Variants in LGALS9B observed in about 807,000 individuals in gnomAD.
LGALS9B encodes the protein galectin 9B.
A neutral mutation model predicts 35.9 loss-of-function variants in LGALS9B; 8 were observed. The observed-to-expected ratio is 0.22, with a 90% CI of 0.13 to 0.40. The LOEUF is 0.40. LGALS9B is among the 10% of genes least tolerant of loss of function. The pLI is 1.00. For missense variants in LGALS9B, 101 were observed against 397.9 expected (o/e 0.25, Z 6.35); for synonymous variants, 42 against 148.6 (o/e 0.28, Z 5.22).
At chr17:20,450,648 CTA>C in intron 10 of LGALS9B, among the ~76,000 whole-genome samples, 1 of 137,034 alleles carries the variant, frequency 7.3e-6, no homozygotes, top group Middle Eastern at 3.5e-3. Context: ...CACAGAGTAG[CTA>C]AGTCACTTGC....
chr17:20,458,263 C>A lies in LGALS9B; in HGVS notation c.253G>T (p.Glu85Ter), dbSNP rs751381320. Reference sequence around the variant, plus strand: ...AAGGGCATGTGCATCTTCCTCTCCTCGGGCCCCCATCTTCCTTTCTGCCTC... The same window carrying A: ...AAGGGCATGTGCATCTTCCTCTCCTAGGGCCCCCATCTTCCTTTCTGCCTC... ...NTRQKGRWGP[E>*]ERKMHMPFQK... The change falls in exon 3 of 11, where the codon GAG (glutamate) becomes TAG (stop). Residue 85 changes from glutamate to a stop codon, truncating the protein, a stop_gained. Transcript: ENST00000423676. LOFTEE classifies it high-confidence loss of function. The A allele has an allele frequency of 6.2e-7, 1 of 1,613,972 alleles. No individual in the cohort carries two copies. The highest frequency in any genetic ancestry group is 8.5e-7 in the Non-Finnish European group (1 of 1,179,936).
chr17:20,466,096 C>G (rs1341658300), intron 1 of LGALS9B, among the ~76,000 whole-genome samples: 1 of 152,052 alleles, frequency 6.6e-6, no homozygotes, highest in African/African-American at 2.4e-5. Context: ...GGGATCCCCT[C>G]TCTGGCAGAA....
rs2042718330 is a variant in LGALS9B, at chr17:20,460,381, A to T, written c.102T>A (p.Asn34Lys). 6.2e-7 allele frequency: 1 copy of T among 1,601,416 alleles called. No individual in the cohort carries two copies. The highest frequency in any genetic ancestry group is 8.5e-7 in the Non-Finnish European group (1 of 1,171,022). Residue 34 changes from asparagine (N) to lysine (K), a missense_variant, in exon 2 of 11, where the codon AAT (asparagine) becomes AAA (lysine). Physicochemically the swap from Asn to Lys is moderately conservative, Grantham distance 94 (BLOSUM62 0). Transcript: ENST00000423676. ...TTCCACTGGAGCTGAGAACGGCCCC[A>T]TTGACAGTGATCTGAAATCCGTCCT... is the stretch of plus-strand genomic sequence containing the variant. ...GLQDGFQITV[N>K]GAVLSSSGTR... is the part of the protein sequence containing the mutation.
In LGALS9B at chr17:20,451,657, C is replaced by A. The variant is rs2042650088; in HGVS notation, c.762-14G>T. 2 of 1,596,106 alleles carry A rather than the reference C, an allele frequency of 1.3e-6. No individual in the cohort carries two copies. The highest frequency in any genetic ancestry group is 2.7e-5 in the African/African-American group (2 of 72,870). On this transcript the variant is annotated splice_polypyrimidine_tract_variant and intron_variant, in intron 9 of 10. Transcript: ENST00000423676. ...TTGATGTGGAACCTGCGGTGGGCAG[C>A]CTACCTGGACCTTTGTCCACTGAGT...
At chr17:20,452,006 T>C (rs1375883836) in intron 8 of LGALS9B, 123 bp from the exon 9 acceptor site, 2 of 1,417,296 alleles carry the variant, frequency 1.4e-6, no homozygotes, top group African/African-American at 2.8e-5. Context: ...ACGATATCTT[T>C]ACTTGGTTCC....
chr17:20,451,236 G>A (rs1682190), intron 10 of LGALS9B, among the ~76,000 whole-genome samples: 55,141 of 138,480 alleles, frequency 0.4, 7,983 homozygotes, highest in Middle Eastern at 0.48. Context: ...CTGTGTGACC[G>A]CAAGCAAGTA....
In LGALS9B at chr17:20,464,093, G is replaced by GTTTTT. The variant is rs59320210; in HGVS notation, c.39+3334_39+3338dup. ...GGGGTTTTGTTTGTTTGTTTGTTGT[G>GTTTTT]TTTTTTTTTTTTTTTTTTTTTTGAG... On this transcript the variant is annotated intron_variant, in intron 1 of 10. Coordinates refer to ENST00000423676, the MANE Select transcript of LGALS9B (RefSeq NM_001367292.2). Among the ~76,000 whole-genome samples, 25 of 89,892 alleles carry GTTTTT rather than the reference G, an allele frequency of 2.8e-4. 1 individual carries two copies. Among genetic ancestry groups the GTTTTT allele is most frequent in the African/African-American group, 1.2e-3 (23 of 18,524 alleles). The allele number at this position is 89,892 out of a possible 152,430, so 59.0% of individuals were successfully genotyped here.
At chr17:20,466,250 G>A (rs2042762152) in intron 1 of LGALS9B, among the ~76,000 whole-genome samples, 1 of 150,564 alleles carries the variant, frequency 6.6e-6, no homozygotes, top group Admixed American at 6.6e-5. Flanking sequence ...GGGGTCATTG[G>A]TGACAGCCAG....
chr17:20,450,893 C>T (rs937826763), intron 10 of LGALS9B, among the ~76,000 whole-genome samples: 4 of 152,178 alleles, frequency 2.6e-5, no homozygotes, highest in Admixed American at 6.5e-5. Flanking sequence ...GGGCGGAGCA[C>T]GCCTGCTGCT....
At chr17:20,466,197 C>T (rs1188961087) in intron 1 of LGALS9B, among the ~76,000 whole-genome samples, 1 of 151,716 alleles carries the variant, frequency 6.6e-6, no homozygotes, top group East Asian at 1.9e-4. Context: ...CCCCCACTCC[C>T]TCTATGCAGG....
At chr17:20,464,771 A>T (rs1297511085) in intron 1 of LGALS9B, among the ~76,000 whole-genome samples, 3 of 151,704 alleles carry the variant, frequency 2.0e-5, no homozygotes, top group Non-Finnish European at 4.4e-5. Context: ...TGGCCAAGTC[A>T]CTTGACCTGC....
In LGALS9B at chr17:20,449,777, G is replaced by T; in HGVS notation, c.*196C>A. 2.3e-6 allele frequency: 1 copy of T among 427,262 alleles called. No individual in the cohort carries two copies. Among genetic ancestry groups the T allele is most frequent in the Non-Finnish European group, 4.3e-6 (1 of 235,228 alleles). 26.5% of individuals were successfully genotyped at this position (427,262 alleles called of 1,614,324 possible). On this transcript the variant is annotated 3_prime_UTR_variant, in exon 11 of 11. Transcript: ENST00000423676. Reference sequence around the variant, plus strand: ...CGCCCCAGGTGCTGCTGCGGCTGAGGAAGACAATCCCAGTCAGCTGCCTTC... The same window carrying T: ...CGCCCCAGGTGCTGCTGCGGCTGAGTAAGACAATCCCAGTCAGCTGCCTTC...
chr17:20,461,399 A>T (rs923009954), intron 1 of LGALS9B, among the ~76,000 whole-genome samples: 1 of 151,252 alleles, frequency 6.6e-6, no homozygotes, highest in Middle Eastern at 3.2e-3. Context: ...ACTGTCACCC[A>T]CCCCCACCTT....
chr17:20,457,479 T>C lies in LGALS9B; in HGVS notation c.333+704A>G, dbSNP rs559615325. 2.7e-3 allele frequency: 348 copies of C among 131,028 alleles called. 24 individuals are homozygous for C. The highest frequency in any genetic ancestry group is 0.01 in the African/African-American group (327 of 32,456). 8.1% of individuals were successfully genotyped at this position (131,028 alleles called of 1,614,324 possible). A position where few individuals can be genotyped will look rare whatever the true frequency, so the allele number is the denominator to read the frequency against. ...TTTCCCCACTTGTGTCCATGTGTTC[T>C]CATCGTTCAGCTCCTACTTATAAGT... is the stretch of plus-strand genomic sequence containing the variant. On this transcript the variant is annotated intron_variant, in intron 3 of 10. Coordinates refer to ENST00000423676, the MANE Select transcript of LGALS9B (RefSeq NM_001367292.2).
At position 20,466,149 on chromosome 17, in the gene LGALS9B, T is replaced by C. The variant is rs529621230; in HGVS notation, c.39+1283A>G. 5.7e-3 allele frequency among the ~76,000 whole-genome samples: 867 copies of C among 151,958 alleles called. 19 individuals carry two copies. Among genetic ancestry groups the C allele is most frequent in the African/African-American group, 0.019 (792 of 41,258 alleles). ...CATGCTCAAGGTGGCATACGCTGAC[T>C]CTAAGGCTCGCCCAACACCGGCAGC... On this transcript the variant is annotated intron_variant, in intron 1 of 10. Coordinates refer to ENST00000423676, the MANE Select transcript of LGALS9B (RefSeq NM_001367292.2).
In LGALS9B at chr17:20,451,930, C is replaced by T. The variant is rs765208196; in HGVS notation, c.673-47G>A. On this transcript the variant is annotated intron_variant, in intron 8 of 10. Transcript: ENST00000423676. ...GTCAGCCAGTGGCAGCCAGGGCAGCCGCCACATGGAAGGGGAAGATTGTAC... is the reference window on the plus strand; with the variant it reads ...GTCAGCCAGTGGCAGCCAGGGCAGCTGCCACATGGAAGGGGAAGATTGTAC... 39 of 1,359,564 alleles carry T rather than the reference C, an allele frequency of 2.9e-5. 8 individuals carry two copies. Among genetic ancestry groups the T allele is most frequent in the African/African-American group, 5.5e-5 (4 of 72,792 alleles). The allele number at this position is 1,359,564 out of a possible 1,614,324, so 84.2% of individuals were successfully genotyped here.
At chr17:20,454,631 G>C (rs2042673496) in intron 5 of LGALS9B, among the ~76,000 whole-genome samples, 2 of 141,272 alleles carry the variant, frequency 1.4e-5, no homozygotes, top group South Asian at 4.9e-4. Context: ...TGGGGGCATG[G>C]GGGGAGCATC....
At position 20,464,154 on chromosome 17, in the gene LGALS9B, G is replaced by A. The variant is rs1193199674; in HGVS notation, c.39+3278C>T. Among the ~76,000 whole-genome samples the A allele has an allele frequency of 2.8e-5, 4 of 143,752 alleles. No homozygotes were observed. In the Admixed American group the frequency reaches 2.8e-4, roughly 10 times the overall value. The allele number at this position is 143,752 out of a possible 152,430, so 94.3% of individuals were successfully genotyped here. On this transcript the variant is annotated intron_variant, in intron 1 of 10. Coordinates refer to ENST00000423676, the MANE Select transcript of LGALS9B (RefSeq NM_001367292.2). ...ATTCTGTCACCCAGGCTGGAGTGCA[G>A]TGGCATGATCTCAGCTCACTGCAGC...
At chr17:20,454,506 G>C (rs1298563856) in intron 5 of LGALS9B, among the ~76,000 whole-genome samples, 1 of 151,984 alleles carries the variant, frequency 6.6e-6, no homozygotes, top group Admixed American at 6.6e-5. Flanking sequence ...CACAGTCCCA[G>C]CCCTCTGGGG....
Sources: gnomAD v4.1 joint callset for allele counts (sites outside exome capture counted in the v4.1 genomes callset) on GRCh38, gnomAD v4.1.1 for gene constraint, MANE v1.5 for transcripts, NCBI Gene and HGNC (gene_info 2026-07-23, HGNC 2026-07-21) for gene names.